LTA: variants seen among roughly 807,000 people sequenced by gnomAD.
LTA encodes the protein lymphotoxin alpha.
In LTA, 6 loss-of-function variants were observed where a neutral mutation model predicts 15.1. The ratio of observed to expected loss-of-function variants is 0.40; its 90% confidence interval spans 0.22 to 0.78. The LOEUF (loss-of-function observed/expected upper bound fraction) is 0.78. Among genes scored for constraint, LTA ranks in the 30% least tolerant of loss-of-function variants. The probability of loss-of-function intolerance (pLI) is 0.38; values close to 1 mark genes in which losing one functional copy is unlikely to be tolerated. For synonymous variants in LTA, 87 were observed against 107.3 expected (o/e 0.81, Z 1.17); for missense variants, 173 against 249.5 (o/e 0.69, Z 2.06).
upstream of LTA, among the ~76,000 whole-genome samples, chr6:31,567,122 C>G (rs977610974): frequency 2.6e-5 from 4 of 151,728 alleles, no homozygotes; most frequent in South Asian, 2.1e-4. Flanking sequence ...ATGGTGAAAC[C>G]CCATCTCTAC....
At chr6:31,571,367 AT>A (rs1215236684), upstream of LTA, among the ~76,000 whole-genome samples, 1 of 152,020 alleles carries the variant, frequency 6.6e-6, no homozygotes, top group African/African-American at 2.4e-5. Context: ...GCCTGGAACA[AT>A]TTTAAAATAA....
chr6:31,573,736 C>T lies in LTA; in HGVS notation c.*43C>T, dbSNP rs1770994903. 6.2e-7 allele frequency: 1 copy of T among 1,607,442 alleles called. No individual in the cohort carries two copies. Among genetic ancestry groups the T allele is most frequent in the Non-Finnish European group, 8.5e-7 (1 of 1,175,688 alleles). On this transcript the variant is annotated 3_prime_UTR_variant, in exon 4 of 4. Transcript: ENST00000418386. ...AAAGAAAAAATAATTGATTTCAAGACCTTCTCCCCATTCTGCCTCCATTCT... is the reference window on the plus strand; with the variant it reads ...AAAGAAAAAATAATTGATTTCAAGATCTTCTCCCCATTCTGCCTCCATTCT...
rs1770891937 is a variant in LTA at position 31,572,518 on chromosome 6, TTC to T, written c.-10+76_-10+77del. ...TCAGTCTCATTGTCTCTGTCACACA[TTC>T]TCTGTTTCTGCCATGATTCCTCTCT... On this transcript the variant is annotated intron_variant, in intron 1 of 3. Transcript: ENST00000418386. The T allele has an allele frequency of 1.9e-5, 11 of 588,384 alleles. No individual in the cohort carries two copies. In the East Asian group the frequency reaches 2.8e-4, roughly 15 times the overall value. The allele number at this position is 588,384 out of a possible 1,614,324, so 36.4% of individuals were successfully genotyped here. A position where few individuals can be genotyped will look rare whatever the true frequency, so the allele number is the denominator to read the frequency against.
upstream of LTA, among the ~76,000 whole-genome samples, chr6:31,568,333 T>G (rs1433714042): frequency 3.9e-5 from 6 of 152,180 alleles, no homozygotes; most frequent in African/African-American, 1.4e-4. This position sits in a 1 kb window ranked among gnomAD's most constrained non-coding sequence, Gnocchi z 4.1. Context: ...GATTTAAGTT[T>G]AGTGTTAGGA....
At chr6:31,570,141 A>G (rs775109419), upstream of LTA, among the ~76,000 whole-genome samples, 10 of 152,188 alleles carry the variant, frequency 6.6e-5, no homozygotes, top group Non-Finnish European at 1.2e-4. Flanking sequence ...TCTCTTGTTA[A>G]TCTGTCTTTT....
At chr6:31,567,848 T>G (rs895061872), upstream of LTA, among the ~76,000 whole-genome samples, 9 of 151,996 alleles carry the variant, frequency 5.9e-5, 1 homozygote, top group Admixed American at 3.9e-4. Flanking sequence ...CCAGCCACAC[T>G]GGCCTTCTGT....
chr6:31,568,197 G>A (rs1421332485), upstream of LTA, among the ~76,000 whole-genome samples: 1 of 152,134 alleles, frequency 6.6e-6, no homozygotes, highest in Non-Finnish European at 1.5e-5. This position sits in a 1 kb window ranked among gnomAD's most constrained non-coding sequence, Gnocchi z 4.1. Flanking sequence ...CCTGCCTTAG[G>A]ACAATGCCCA....
Position 31,573,994 on chromosome 6 carries a change from A to G in LTA, c.*301A>G. 1.7e-6 allele frequency: 1 copy of G among 575,614 alleles called. No homozygotes were observed. Among genetic ancestry groups the G allele is most frequent in the Non-Finnish European group, 3.1e-6 (1 of 318,390 alleles). 35.7% of individuals were successfully genotyped at this position (575,614 alleles called of 1,614,324 possible). ...CTAGGTGGGGCCTAGATCCACACAC[A>G]GAGGAAGAGCAGGCACATGGAGGAG... On this transcript the variant is annotated 3_prime_UTR_variant, in exon 4 of 4. Transcript: ENST00000418386.
In LTA at chr6:31,573,020, T is replaced by C. The variant is rs1196374898; in HGVS notation, c.192T>C (p.Ala64=). 4 of 1,612,234 alleles carry C rather than the reference T, an allele frequency of 2.5e-6. No homozygotes were observed. The highest frequency in any genetic ancestry group is 3.4e-6 in the Non-Finnish European group (4 of 1,179,678). The change falls in exon 3 of 4, where the codon GCT becomes GCC. Residue 64 remains alanine (A), a synonymous_variant. Coordinates refer to ENST00000418386, the MANE Select transcript of LTA (RefSeq NM_000595.4). ...MHLAHSTLKP[A]AHLIGDPSKQ... is the part of the protein sequence containing the mutation. Reference sequence around the variant, plus strand: ...TTGCCCACAGCACCCTCAAACCTGCTGCTCACCTCATTGGTAAACATCCAC... The same window carrying C: ...TTGCCCACAGCACCCTCAAACCTGCCGCTCACCTCATTGGTAAACATCCAC...
In LTA at chr6:31,574,056, A is replaced by T. The variant is rs1771016761; in HGVS notation, c.*363A>T. ...ACTAGAGGCAGGGAGGGGACTATTT[A>T]TGAAGGCAAAAAAATTAAATTATTT... On this transcript the variant is annotated 3_prime_UTR_variant, in exon 4 of 4. Coordinates refer to ENST00000418386, the MANE Select transcript of LTA (RefSeq NM_000595.4). 2.3e-6 allele frequency: 1 copy of T among 440,220 alleles called. No individual in the cohort carries two copies. Among genetic ancestry groups the T allele is most frequent in the African/African-American group, 2.0e-5 (1 of 49,832 alleles). 27.3% of individuals were successfully genotyped at this position (440,220 alleles called of 1,614,324 possible).
At chr6:31,564,634 G>T in the LTA span, among the ~76,000 whole-genome samples, 1 of 151,542 alleles carries the variant, frequency 6.6e-6, no homozygotes, top group Admixed American at 6.6e-5. Context: ...GGCCGGGTGC[G>T]GTGGGTCATG....
chr6:31,561,361 C>T, the LTA span, among the ~76,000 whole-genome samples: 3 of 152,142 alleles, frequency 2.0e-5, no homozygotes, highest in African/African-American at 7.2e-5. Flanking sequence ...TTTCCTAACA[C>T]CACAAATCCT....
the LTA span, among the ~76,000 whole-genome samples, chr6:31,565,879 A>T: frequency 6.6e-6 from 1 of 152,138 alleles, no homozygotes; most frequent in Admixed American, 6.6e-5. Flanking sequence ...AGCCACAGTG[A>T]TCTTTTAAAA....
At chr6:31,567,666 A>G (rs904601952), upstream of LTA, among the ~76,000 whole-genome samples, 2 of 81,632 alleles carry the variant, frequency 2.5e-5, no homozygotes, top group Non-Finnish European at 4.8e-5. Flanking sequence ...ACACACACAC[A>G]CACACACACA....
the LTA span, among the ~76,000 whole-genome samples, chr6:31,560,763 A>G: frequency 6.6e-6 from 1 of 152,006 alleles, no homozygotes; most frequent in African/African-American, 2.4e-5. Flanking sequence ...CAGTTTGAGG[A>G]CTCAGGTTGG....
upstream of LTA, among the ~76,000 whole-genome samples, chr6:31,570,727 A>G (rs1279381573): frequency 6.6e-6 from 1 of 152,240 alleles, no homozygotes; most frequent in African/African-American, 2.4e-5. Flanking sequence ...TTTTAAAAAC[A>G]TTACTGATAC....
Position 31,573,862 on chromosome 6 carries a change from A to T in LTA, c.*169A>T. The T allele has an allele frequency of 1.3e-6, 1 of 798,656 alleles. No homozygotes were observed. The highest frequency in any genetic ancestry group is 2.1e-6 in the Non-Finnish European group (1 of 472,358). 49.5% of individuals were successfully genotyped at this position (798,656 alleles called of 1,614,324 possible). ...AGCTTTCAAAGAAGGAATTCTAGGC[A>T]TCCCAGGGGACCACACCTCCCTGAA... is the stretch of plus-strand genomic sequence containing the variant. On this transcript the variant is annotated 3_prime_UTR_variant, in exon 4 of 4. Transcript: ENST00000418386.
the LTA span, among the ~76,000 whole-genome samples, chr6:31,563,288 GAGTC>G: frequency 5.9e-5 from 9 of 152,128 alleles, no homozygotes; most frequent in South Asian, 1.9e-3. Context: ...AAAGTACTGT[GAGTC>G]AGTATGTAAG....
the LTA span, among the ~76,000 whole-genome samples, chr6:31,563,426 C>T: frequency 6.6e-6 from 1 of 152,160 alleles, no homozygotes; most frequent in Non-Finnish European, 1.5e-5. Context: ...AGATTTAGAA[C>T]ATCACGCACA....
Sources: gnomAD v4.1 joint callset for allele counts (sites outside exome capture counted in the v4.1 genomes callset) on GRCh38, gnomAD v4.1.1 for gene constraint, Gnocchi (gnomAD v3.1) non-coding constraint, MANE v1.5 for transcripts, NCBI Gene and HGNC (gene_info 2026-07-23, HGNC 2026-07-21) for gene names.